Variants in CEP164 observed in about 807,000 individuals in gnomAD.
CEP164 encodes the protein centrosomal protein 164.
In CEP164, 162 loss-of-function variants were observed where a neutral mutation model predicts 182.7. The ratio of observed to expected loss-of-function variants is 0.89; its 90% confidence interval spans 0.78 to 1.01. The LOEUF (loss-of-function observed/expected upper bound fraction) is 1.01, where lower values mean the gene tolerates loss of function less well. CEP164 is among the 50% of genes least tolerant of loss of function. The probability of loss-of-function intolerance (pLI) is 0.00; values close to 1 mark genes in which losing one functional copy is unlikely to be tolerated. For synonymous variants in CEP164, 661 were observed against 690.0 expected (o/e 0.96, Z 0.66); for missense variants, 1,735 against 1,790.4 (o/e 0.97, Z 0.56).
At chr11:117,405,356 G>A (rs1280789301) in intron 27 of CEP164, among the ~76,000 whole-genome samples, 1 of 152,178 alleles carries the variant, frequency 6.6e-6, no homozygotes, top group Non-Finnish European at 1.5e-5. Context: ...GGGCCGGAAT[G>A]CACTGTCCCC....
chr11:117,410,824 C>G lies in CEP164; in HGVS notation c.4097-4C>G. 3 of 1,612,070 alleles carry G rather than the reference C, an allele frequency of 1.9e-6. No individual in the cohort carries two copies. The highest frequency in any genetic ancestry group is 2.2e-5 in the South Asian group (2 of 90,542). On this transcript the variant is annotated splice_region_variant and splice_polypyrimidine_tract_variant and intron_variant, in intron 30 of 32. Transcript: ENST00000278935. ...TTCTGAGTCCTGTCCCCATGCTCTT[C>G]CAGCTGGCATCCCGCTGCTCAGCAA...
chr11:117,405,215 G>A (rs947078859), intron 27 of CEP164, among the ~76,000 whole-genome samples: 2 of 152,182 alleles, frequency 1.3e-5, no homozygotes, highest in Non-Finnish European at 2.9e-5. Context: ...AAAAACTCCT[G>A]CAGCTAGCTC....
chr11:117,383,344 G>T (rs1017202166), intron 14 of CEP164, among the ~76,000 whole-genome samples: 1 of 152,192 alleles, frequency 6.6e-6, no homozygotes, highest in Non-Finnish European at 1.5e-5. Context: ...GTTTGCATCT[G>T]TGCACACTGT....
intron 2 of CEP164, among the ~76,000 whole-genome samples, chr11:117,336,930 A>G (rs2037232796): frequency 6.6e-6 from 1 of 152,000 alleles, no homozygotes; most frequent in Non-Finnish European, 1.5e-5. Flanking sequence ...AGGCTGCAGC[A>G]TGGGAGCTGC....
chr11:117,405,685 T>C (rs972671725), intron 27 of CEP164, among the ~76,000 whole-genome samples: 1 of 152,218 alleles, frequency 6.6e-6, no homozygotes, highest in African/African-American at 2.4e-5. Context: ...TGTTTCTCTT[T>C]TAAAATGAAA....
intron 8 of CEP164, among the ~76,000 whole-genome samples, chr11:117,370,657 TC>T (rs1283158054): frequency 6.6e-6 from 1 of 152,166 alleles, no homozygotes; most frequent in African/African-American, 2.4e-5. Context: ...ACGCCTGTAA[TC>T]CCAGCACTTT....
upstream of CEP164, among the ~76,000 whole-genome samples, chr11:117,327,671 GC>G (rs1413324540): frequency 6.6e-6 from 1 of 152,030 alleles, no homozygotes; most frequent in Non-Finnish European, 1.5e-5. Flanking sequence ...TCAACCTCTT[GC>G]GGATTCCCAT....
Position 117,411,227 on chromosome 11 carries a change from GC to G in CEP164, c.4163+337del. ...CCCGCCCCTCCCTCTAGCCCCTCCA[GC>G]CCCGGAGTCTGGCCTTTGTCTTTGC... is the stretch of plus-strand genomic sequence containing the variant. On this transcript the variant is annotated intron_variant, in intron 31 of 32. Coordinates refer to ENST00000278935, the MANE Select transcript of CEP164 (RefSeq NM_014956.5). The surrounding 1 kb of genome is among the most constrained non-coding windows in gnomAD (Gnocchi z 4.4). 3.1e-6 allele frequency: 1 copy of G among 318,810 alleles called. No homozygotes were observed. The highest frequency in any genetic ancestry group is 6.0e-6 in the Non-Finnish European group (1 of 167,638). The allele number at this position is 318,810 out of a possible 1,614,324, so 19.7% of individuals were successfully genotyped here. A position where few individuals can be genotyped will look rare whatever the true frequency, so the allele number is the denominator to read the frequency against.
chr11:117,381,650 C>T (rs538656233), intron 12 of CEP164, 51 bp from the exon 13 acceptor site: 7 of 1,562,844 alleles, frequency 4.5e-6, no homozygotes, highest in East Asian at 2.3e-5. Context: ...GTTCTCTTCC[C>T]GCTCTCCAAA....
At chr11:117,412,008 ACCCTTTCATGGC>A in intron 32 of CEP164, 52 bp from the exon 33 acceptor site, 1 of 1,611,144 alleles carries the variant, frequency 6.2e-7, no homozygotes, top group Non-Finnish European at 8.5e-7. Context: ...TCAGCCTTTG[ACCCTTTCATGGC>A]CCCTGCCTGG....
At chr11:117,329,730 C>T (rs554177936) in intron 1 of CEP164, among the ~76,000 whole-genome samples, 3 of 151,506 alleles carry the variant, frequency 2.0e-5, no homozygotes, top group Non-Finnish European at 2.9e-5. Flanking sequence ...TTGGTAGAGA[C>T]GGGGTTTCAC....
At chr11:117,406,989 G>A (rs1223102709) in intron 27 of CEP164, among the ~76,000 whole-genome samples, 1 of 152,192 alleles carries the variant, frequency 6.6e-6, no homozygotes, top group East Asian at 1.9e-4. Context: ...AGCTACCCAG[G>A]AGGCTGAGGC....
chr11:117,378,837 A>G (rs2043016983), intron 11 of CEP164, among the ~76,000 whole-genome samples: 1 of 152,268 alleles, frequency 6.6e-6, no homozygotes, highest in African/African-American at 2.4e-5. Flanking sequence ...GGCAGAGGCC[A>G]GAAAGCCATG....
At chr11:117,380,157 G>A (rs983697210) in intron 11 of CEP164, among the ~76,000 whole-genome samples, 1 of 152,040 alleles carries the variant, frequency 6.6e-6, no homozygotes, top group Admixed American at 6.5e-5. Flanking sequence ...TCATGTGCTT[G>A]CCTGTGGCCC....
chr11:117,326,102 G>T (rs2134536973), upstream of CEP164, among the ~76,000 whole-genome samples: 1 of 151,846 alleles, frequency 6.6e-6, no homozygotes, highest in Non-Finnish European at 1.5e-5. Flanking sequence ...GTAGAGATGG[G>T]GTTTCTCCAT....
chr11:117,373,979 A>G, intron 10 of CEP164, 148 bp downstream of exon 10: 1 of 623,596 alleles, frequency 1.6e-6, no homozygotes, highest in South Asian at 2.2e-5. Context: ...CAGTTTCTCA[A>G]CCCATTAACT....
chr11:117,410,875 C>T lies in CEP164; in HGVS notation c.4144C>T (p.Leu1382=), dbSNP rs142927104. ...CAGCCCCACCCCGCTGGAGAGCAGG[C>T]TGGGTTACATGTCTGCCAGGTGAGC... The part of the protein sequence containing the change: ...SNSPTPLESR[L]GYMSASEQLR... The change falls in exon 31 of 33, where the codon CTG becomes TTG. Residue 1382 remains leucine (L), a synonymous_variant. Transcript: ENST00000278935. The T allele has an allele frequency of 2.5e-5, 40 of 1,613,274 alleles. No individual in the cohort carries two copies. In the African/African-American group the frequency reaches 4.1e-4, roughly 17 times the overall value.
At chr11:117,362,612 G>A in intron 7 of CEP164, 74 bp downstream of exon 7, 6 of 1,514,610 alleles carry the variant, frequency 4.0e-6, no homozygotes, top group South Asian at 3.7e-5. Context: ...TGTTTTTGCT[G>A]TGATAGAAAA....
At position 117,397,134 on chromosome 11, in the gene CEP164, G is replaced by T. The variant is rs2045579139; in HGVS notation, c.3322G>T (p.Val1108Leu). The change falls in exon 27 of 33, where the codon GTA becomes TTA. Residue 1108 changes from valine (V) to leucine (L), a missense_variant. Val to Leu is a conservative substitution (Grantham distance 32). Transcript: ENST00000278935. The part of the protein sequence containing the change: ...NVWHLLSAEG[V>L]ALRSAKEFLV... ...CTGGCACCTCCTCTCTGCTGAGGGG[G>T]TAGCCCTCCGTAGTGCCAAGGAGTT... The T allele has an allele frequency of 6.2e-7, 1 of 1,614,174 alleles. No individual in the cohort carries two copies. Among genetic ancestry groups the T allele is most frequent in the Non-Finnish European group, 8.5e-7 (1 of 1,180,018 alleles).
Sources: allele counts gnomAD v4.1 joint callset (sites outside exome capture counted in the v4.1 genomes callset), GRCh38; gene constraint gnomAD v4.1.1; non-coding constraint Gnocchi (gnomAD v3.1); transcripts MANE v1.5; gene names NCBI Gene and HGNC (gene_info 2026-07-23, HGNC 2026-07-21).